The following MYO1H variants were observed in gnomAD, a reference collection of about 807,000 sequenced individuals.
MYO1H encodes unconventional myosin-Ih.
MYO1H carries 118 observed loss-of-function variants against 149.3 expected under a neutral mutation model. That is an observed-to-expected ratio of 0.79 (90% CI 0.68 to 0.92). The LOEUF (loss-of-function observed/expected upper bound fraction) is 0.92, where lower values mean the gene tolerates loss of function less well. MYO1H is among the 40% of genes least tolerant of loss of function. The probability of loss-of-function intolerance (pLI) is 0.00; values close to 1 mark genes in which losing one functional copy is unlikely to be tolerated. For missense variants in MYO1H, 1,212 were observed against 1,280.7 expected (o/e 0.95, Z 0.82); for synonymous variants, 447 against 465.2 (o/e 0.96, Z 0.50).
intron 1 of MYO1H, among the ~76,000 whole-genome samples, chr12:109,349,958 C>CT (rs1868427638): frequency 3.4e-5 from 3 of 87,954 alleles, no homozygotes; most frequent in Non-Finnish European, 6.4e-5. Flanking sequence ...AAGACTCTGT[C>CT]TTGAAAAAAA....
At chr12:109,369,904 T>G (rs2338097) in intron 1 of MYO1H, among the ~76,000 whole-genome samples, 75,763 of 152,068 alleles carry the variant, frequency 0.5, 19,541 homozygotes, top group African/African-American at 0.62. Flanking sequence ...CCACATGGCT[T>G]GGGAGGCCTC....
At chr12:109,441,664 G>A (rs754822423) in exon 26 of MYO1H, 1 of 1,613,494 alleles carries the variant, frequency 6.2e-7, no homozygotes, top group Non-Finnish European at 8.5e-7. Flanking sequence ...AGGAAAGACG[G>A]CTACACAGAA....
the MYO1H span, among the ~76,000 whole-genome samples, chr12:109,339,796 C>A: frequency 1.3e-5 from 2 of 152,122 alleles, no homozygotes; most frequent in African/African-American, 2.4e-5. Context: ...AAATAGGCAA[C>A]AATCAAAACT....
chr12:109,364,424 G>A (rs1314721124), intron 1 of MYO1H, among the ~76,000 whole-genome samples: 1 of 152,012 alleles, frequency 6.6e-6, no homozygotes, highest in African/African-American at 2.4e-5. Flanking sequence ...AAACTCGGGG[G>A]CTCAATCCTC....
chr12:109,430,702 G>T (rs1326495074), intron 19 of MYO1H, among the ~76,000 whole-genome samples: 1 of 152,172 alleles, frequency 6.6e-6, no homozygotes, highest in Admixed American at 6.5e-5. Context: ...GCCGAAAAGT[G>T]ATCACCTGAG....
At chr12:109,399,240 T>G (rs1459640763) in intron 5 of MYO1H, among the ~76,000 whole-genome samples, 1 of 152,166 alleles carries the variant, frequency 6.6e-6, no homozygotes, top group Non-Finnish European at 1.5e-5. Context: ...GATAGCCCAG[T>G]GAATTTCTAC....
At chr12:109,427,492 A>G (rs1393567348) in exon 19 of MYO1H, 2 of 1,612,508 alleles carry the variant, frequency 1.2e-6, no homozygotes, top group Non-Finnish European at 1.7e-6. Context: ...CTTCCTCATA[A>G]GGCATCAGAT....
chr12:109,444,368 T>C lies in MYO1H; in HGVS notation c.2896-64T>C. ...AGTTGACCACCGTGAAACTTCTCTATTGGAGTGTCTGTTTCTTTAAGCTGT... is the reference window on the plus strand; with the variant it reads ...AGTTGACCACCGTGAAACTTCTCTACTGGAGTGTCTGTTTCTTTAAGCTGT... On this transcript the variant is annotated intron_variant, in intron 29 of 31. Coordinates refer to ENST00000310903, the Ensembl canonical transcript of MYO1H. 29 of 1,565,608 alleles carry C rather than the reference T, an allele frequency of 1.9e-5. No individual in the cohort carries two copies. In the South Asian group the frequency reaches 2.7e-4, roughly 14 times the overall value.
At chr12:109,323,348 G>A in the MYO1H span, among the ~76,000 whole-genome samples, 4 of 152,186 alleles carry the variant, frequency 2.6e-5, no homozygotes, top group South Asian at 2.1e-4. Flanking sequence ...TGGTTTGTCC[G>A]ATGTTGAAAT....
chr12:109,322,843 T>C, the MYO1H span, among the ~76,000 whole-genome samples: 4 of 114,862 alleles, frequency 3.5e-5, no homozygotes, highest in South Asian at 8.6e-4. Context: ...AAAAAAAAAA[T>C]CACCCCTGTA....
Position 109,348,247 on chromosome 12 carries a change from A to G in MYO1H, c.12+275A>G, listed in dbSNP as rs1294732731. ...ATTGGTCTAGAACAGCGTGCTGTGC[A>G]ATAAAGACAGAAATGGTCTCTGTTA... On this transcript the variant is annotated intron_variant, in intron 1 of 31. Coordinates refer to ENST00000310903, the Ensembl canonical transcript of MYO1H. 2.0e-5 allele frequency among the ~76,000 whole-genome samples: 3 copies of G among 152,224 alleles called. No homozygotes were observed. The East Asian group carries it at 5.8e-4, about 29-fold the overall frequency.
chr12:109,315,839 A>G, the MYO1H span, among the ~76,000 whole-genome samples: 2 of 152,250 alleles, frequency 1.3e-5, no homozygotes, highest in African/African-American at 4.8e-5. Flanking sequence ...GTTGCTATCA[A>G]AATTTCAAAA....
chr12:109,364,253 G>A (rs1242602637), intron 1 of MYO1H, among the ~76,000 whole-genome samples: 5 of 150,188 alleles, frequency 3.3e-5, no homozygotes, highest in African/African-American at 1.2e-4. Flanking sequence ...TCATGTAACT[G>A]TCTGTCCAGT....
At chr12:109,439,680 G>A (rs762032108) in exon 24 of MYO1H, 11 of 1,613,774 alleles carry the variant, frequency 6.8e-6, no homozygotes, top group South Asian at 3.3e-5. Flanking sequence ...TCCTGACAAC[G>A]AGGAATTTAT....
the MYO1H span, among the ~76,000 whole-genome samples, chr12:109,323,253 C>T: frequency 6.6e-6 from 1 of 152,192 alleles, no homozygotes; most frequent in African/African-American, 2.4e-5. Context: ...GTTTTCTCCC[C>T]TTACCAAATT....
chr12:109,361,060 G>A (rs900448489), intron 1 of MYO1H, among the ~76,000 whole-genome samples: 1 of 152,120 alleles, frequency 6.6e-6, no homozygotes, highest in Non-Finnish European at 1.5e-5. Flanking sequence ...ATTTTATAAA[G>A]AATAAGTGAA....
intron 22 of MYO1H, among the ~76,000 whole-genome samples, chr12:109,437,315 A>G (rs1327613181): frequency 6.6e-6 from 1 of 152,040 alleles, no homozygotes; most frequent in Non-Finnish European, 1.5e-5. Context: ...GTGTATCTCT[A>G]AATAATATAT....
chr12:109,440,827 G>A (rs1434311280), exon 25 of MYO1H: 1 of 1,558,540 alleles, frequency 6.4e-7, no homozygotes, highest in Non-Finnish European at 8.7e-7. Flanking sequence ...GGAAAGCAAT[G>A]GTAGGGACAT....
the MYO1H span, among the ~76,000 whole-genome samples, chr12:109,314,235 TTA>T: frequency 2.3e-4 from 34 of 150,692 alleles, no homozygotes; most frequent in Middle Eastern, 6.8e-3. Context: ...TTTAAGCTTT[TTA>T]AAAAAAAAAA....
Sources: allele counts gnomAD v4.1 joint callset (sites outside exome capture counted in the v4.1 genomes callset), GRCh38; gene constraint gnomAD v4.1.1; transcripts MANE v1.5; gene names NCBI Gene and HGNC (gene_info 2026-07-23, HGNC 2026-07-21).